The following MACROD2 variants were observed in gnomAD, a reference collection of about 807,000 sequenced individuals.
MACROD2 encodes mono-ADP ribosylhydrolase 2.
In MACROD2, 36 loss-of-function variants were observed where a neutral mutation model predicts 70.4. The ratio of observed to expected loss-of-function variants is 0.51; its 90% CI spans 0.39 to 0.68. The LOEUF is 0.68. Ranked by LOEUF, MACROD2 falls within the 30% of genes least tolerant of loss-of-function variation. The probability of loss-of-function intolerance (pLI) is 0.00; values close to 1 mark genes in which losing one functional copy is unlikely to be tolerated. For synonymous variants in MACROD2, 172 were observed against 178.8 expected, an observed-to-expected ratio of 0.96 and a Z score of 0.30; for missense variants, 496 against 538.4, an observed-to-expected ratio of 0.92 and a Z score of 0.78.
chr20:16,013,390 G>T (rs2066889478), intron 15 of MACROD2, among the ~76,000 whole-genome samples: 1 of 152,124 alleles, frequency 6.6e-6, no homozygotes, highest in South Asian at 2.1e-4. Flanking sequence ...TGACTCGTAG[G>T]GGTGGACCTG....
chr20:15,044,384 A>C (rs2123034896), intron 5 of MACROD2, among the ~76,000 whole-genome samples: 1 of 152,336 alleles, frequency 6.6e-6, no homozygotes, highest in Non-Finnish European at 1.5e-5. Context: ...TTTGAAATTC[A>C]AAATGGCACA....
At chr20:15,392,538 A>T (rs1426033056) in intron 6 of MACROD2, among the ~76,000 whole-genome samples, 2 of 152,190 alleles carry the variant, frequency 1.3e-5, no homozygotes, top group South Asian at 4.1e-4. Flanking sequence ...ACCTAATAGC[A>T]TCTCTCTTAG....
At chr20:14,111,882 A>G (rs1239769132) in intron 3 of MACROD2, among the ~76,000 whole-genome samples, 1 of 152,004 alleles carries the variant, frequency 6.6e-6, no homozygotes, top group Non-Finnish European at 1.5e-5. Context: ...GGAAATTGGT[A>G]TATTGAAGAG....
At chr20:14,481,220 A>G (rs1478841700) in intron 3 of MACROD2, among the ~76,000 whole-genome samples, 1 of 152,166 alleles carries the variant, frequency 6.6e-6, no homozygotes, top group Non-Finnish European at 1.5e-5. Flanking sequence ...ATAAATCTAA[A>G]TTTAGCTCAA....
At chr20:15,624,751 A>G (rs955912639) in intron 8 of MACROD2, among the ~76,000 whole-genome samples, 3 of 152,202 alleles carry the variant, frequency 2.0e-5, no homozygotes, top group Non-Finnish European at 4.4e-5. Context: ...GGCCCTTTAC[A>G]GAAAAAGTTT....
chr20:14,273,098 T>C (rs1483384670), intron 3 of MACROD2, among the ~76,000 whole-genome samples: 1 of 151,896 alleles, frequency 6.6e-6, no homozygotes, highest in African/African-American at 2.4e-5. Flanking sequence ...GACAGAAAGT[T>C]AACAAGAATA....
chr20:15,195,989 C>A (rs2076603814), intron 5 of MACROD2, among the ~76,000 whole-genome samples: 1 of 152,084 alleles, frequency 6.6e-6, no homozygotes, highest in African/African-American at 2.4e-5. Flanking sequence ...AACAGAAAAC[C>A]AAACACTGCA....
intron 3 of MACROD2, among the ~76,000 whole-genome samples, chr20:14,409,587 G>T (rs144175897): frequency 6.6e-6 from 1 of 152,066 alleles, no homozygotes; most frequent in African/African-American, 2.4e-5. Flanking sequence ...CCTCTACTGG[G>T]TTGCCTTGTA....
intron 5 of MACROD2, among the ~76,000 whole-genome samples, chr20:14,899,459 G>A (rs1470651936): frequency 6.6e-6 from 1 of 152,088 alleles, no homozygotes; most frequent in African/African-American, 2.4e-5. Flanking sequence ...CCTTTTGGTG[G>A]GTTTCTGGCA....
intron 8 of MACROD2, among the ~76,000 whole-genome samples, chr20:15,585,379 G>T (rs1325195673): frequency 6.6e-6 from 1 of 151,802 alleles, no homozygotes; most frequent in Non-Finnish European, 1.5e-5. Context: ...TGTATTTTTA[G>T]TAGAGACAGG....
intron 5 of MACROD2, among the ~76,000 whole-genome samples, chr20:15,034,976 T>A (rs1169498466): frequency 6.6e-6 from 1 of 152,184 alleles, no homozygotes; most frequent in African/African-American, 2.4e-5. Context: ...TGTCTAGAAG[T>A]AGAATTGCTG....
chr20:14,302,468 G>T (rs1306603895), intron 3 of MACROD2, among the ~76,000 whole-genome samples: 2 of 152,232 alleles, frequency 1.3e-5, no homozygotes, highest in Admixed American at 6.5e-5. Context: ...ACCACAGAGA[G>T]GTAGCAAAGT....
intron 8 of MACROD2, among the ~76,000 whole-genome samples, chr20:15,839,733 T>C (rs979531811): frequency 6.6e-6 from 1 of 152,174 alleles, no homozygotes; most frequent in Non-Finnish European, 1.5e-5. Context: ...CTTTGGATAA[T>C]AACAACACAA....
intron 4 of MACROD2, among the ~76,000 whole-genome samples, chr20:14,680,005 A>G (rs1003801933): frequency 6.6e-6 from 1 of 152,228 alleles, no homozygotes; most frequent in Admixed American, 6.5e-5. Context: ...AGCCACATTT[A>G]AGAGATCATG....
At chr20:14,325,593 G>A in intron 3 of MACROD2, 1 of 1,613,056 alleles carries the variant, frequency 6.2e-7, no homozygotes, top group South Asian at 1.1e-5. Context: ...GAATACCACT[G>A]TCTCTGTAGC....
chr20:14,331,224 T>A (rs1825715677), intron 3 of MACROD2, among the ~76,000 whole-genome samples: 1 of 152,142 alleles, frequency 6.6e-6, no homozygotes, highest in East Asian at 1.9e-4. Flanking sequence ...AAATGTCTTT[T>A]ATCTTGTGTC....
intron 12 of MACROD2, among the ~76,000 whole-genome samples, chr20:15,950,437 C>T (rs1190798460): frequency 6.6e-6 from 1 of 152,036 alleles, no homozygotes; most frequent in Non-Finnish European, 1.5e-5. Flanking sequence ...CACAAGGCCA[C>T]AGAAAGCCCA....
At chr20:14,072,390 T>C (rs189570929) in intron 2 of MACROD2, among the ~76,000 whole-genome samples, 16 of 152,126 alleles carry the variant, frequency 1.1e-4, no homozygotes, top group Admixed American at 5.2e-4. Context: ...GCATAGCATG[T>C]TGATGAAGAT....
intron 3 of MACROD2, among the ~76,000 whole-genome samples, chr20:14,485,795 T>C (rs955983742): frequency 6.6e-5 from 10 of 151,388 alleles, no homozygotes; most frequent in Non-Finnish European, 1.3e-4. Context: ...CTTGATTCTT[T>C]AACATGTTCA....
Sources: allele counts gnomAD v4.1 joint callset (sites outside exome capture counted in the v4.1 genomes callset), GRCh38; gene constraint gnomAD v4.1.1; transcripts MANE v1.5; gene names NCBI Gene and HGNC (gene_info 2026-07-23, HGNC 2026-07-21).